The following TAOK3 variants were observed in gnomAD, a reference collection of about 807,000 sequenced individuals.
The protein encoded by TAOK3 is serine/threonine-protein kinase TAO3.
Under a neutral mutation model 120.4 loss-of-function variants are expected in TAOK3, and 40 were observed. The observed-to-expected ratio is 0.33, with a 90% CI of 0.26 to 0.43. The LOEUF is 0.43. Ranked by LOEUF, TAOK3 falls within the 20% of genes least tolerant of loss-of-function variation. TAOK3 has a pLI of 1.00. For missense variants in TAOK3, 821 were observed against 1,112.1 expected, an observed-to-expected ratio of 0.74 and a Z score of 3.72; for synonymous variants, 355 against 387.5, an observed-to-expected ratio of 0.92 and a Z score of 0.99.
intron 13 of TAOK3, among the ~76,000 whole-genome samples, chr12:118,193,106 A>G (rs1265462393): frequency 1.7e-5 from 2 of 118,590 alleles, no homozygotes; most frequent in African/African-American, 3.3e-5. Context: ...GCTGGAGTGT[A>G]GTGGCACTAT....
intron 2 of TAOK3, among the ~76,000 whole-genome samples, chr12:118,263,775 C>T (rs2041328954): frequency 6.6e-6 from 1 of 152,078 alleles, no homozygotes; most frequent in South Asian, 2.1e-4. Flanking sequence ...CAAATGAAAA[C>T]CCATGAGAGG....
intron 1 of TAOK3, among the ~76,000 whole-genome samples, chr12:118,296,507 G>C (rs567981091): frequency 6.6e-6 from 1 of 151,920 alleles, no homozygotes. Flanking sequence ...TATAAGTTTC[G>C]GGAAAAAAGA....
At chr12:118,204,397 T>G (rs1156273579) in intron 11 of TAOK3, among the ~76,000 whole-genome samples, 1 of 152,204 alleles carries the variant, frequency 6.6e-6, no homozygotes, top group Non-Finnish European at 1.5e-5. Context: ...TGAATTTAAT[T>G]TCTTTATAAT....
Position 118,235,678 on chromosome 12 carries a change from GA to G in TAOK3, c.438-8del, listed in dbSNP as rs5801274. On this transcript the variant is annotated splice_polypyrimidine_tract_variant and splice_region_variant and intron_variant, in intron 7 of 20. Coordinates refer to ENST00000392533, the MANE Select transcript of TAOK3 (RefSeq NM_016281.4). ...ATTTCCTGCTTTAATATCCCTATAG[GA>G]AAAAAAAAAAGGGTTAGAAAATTAC... The G allele has an allele frequency of 0.022, 27,430 of 1,266,158 alleles. 1 individual carries two copies. Among genetic ancestry groups the G allele is most frequent in the East Asian group, 0.042 (1,440 of 34,254 alleles). 78.4% of individuals were successfully genotyped at this position (1,266,158 alleles called of 1,614,324 possible).
intron 1 of TAOK3, among the ~76,000 whole-genome samples, chr12:118,334,600 G>T (rs2044285158): frequency 6.6e-6 from 1 of 152,230 alleles, no homozygotes; most frequent in African/African-American, 2.4e-5. Flanking sequence ...CGGAGGCCGG[G>T]TGTGGTGGCT....
chr12:118,189,579 A>C (rs1277563949), intron 14 of TAOK3, among the ~76,000 whole-genome samples: 2 of 17,420 alleles, frequency 1.1e-4, no homozygotes, highest in East Asian at 1.9e-3. Flanking sequence ...CACACACACA[A>C]AGGTTTTTTT....
chr12:118,364,338 G>T (rs1267134184), intron 1 of TAOK3, among the ~76,000 whole-genome samples: 1 of 151,972 alleles, frequency 6.6e-6, no homozygotes, highest in Non-Finnish European at 1.5e-5. Flanking sequence ...TCCTTCCCTT[G>T]CACCTTATTA....
rs2045889282 is a variant in TAOK3 at position 118,371,450 on chromosome 12, C to A, written c.-194+1198G>T. Among the ~76,000 whole-genome samples, 1 of 152,242 alleles carries A rather than the reference C, an allele frequency of 6.6e-6. No individual in the cohort carries two copies. Among genetic ancestry groups the A allele is most frequent in the South Asian group, 2.1e-4 (1 of 4,826 alleles). On this transcript the variant is annotated intron_variant, in intron 1 of 20. Coordinates refer to ENST00000392533, the MANE Select transcript of TAOK3 (RefSeq NM_016281.4). The surrounding 1 kb of genome is among the most constrained non-coding windows in gnomAD (Gnocchi z 5.5). ...TCATTCCAAGATCTTTGTCCTGCAGCCAGCCCCACCAGCCCCTCCAGCTCC... is the reference window on the plus strand; with the variant it reads ...TCATTCCAAGATCTTTGTCCTGCAGACAGCCCCACCAGCCCCTCCAGCTCC...
chr12:118,175,978 G>A (rs2036299205), intron 16 of TAOK3, among the ~76,000 whole-genome samples: 1 of 152,148 alleles, frequency 6.6e-6, no homozygotes, highest in South Asian at 2.1e-4. Context: ...CAAAAACATG[G>A]TCTGTGCTCT....
chr12:118,367,410 T>C (rs1235158552), intron 1 of TAOK3, among the ~76,000 whole-genome samples: 3 of 151,682 alleles, frequency 2.0e-5, no homozygotes, highest in Non-Finnish European at 4.4e-5. Context: ...AAATTTGAAA[T>C]AGTTTTTTTT....
intron 1 of TAOK3, among the ~76,000 whole-genome samples, chr12:118,354,775 T>A (rs1287737672): frequency 6.6e-6 from 1 of 152,176 alleles, no homozygotes; most frequent in African/African-American, 2.4e-5. Context: ...ATGTAAGACA[T>A]GACTTGCTCC....
At chr12:118,309,571 A>G (rs957823058) in intron 1 of TAOK3, among the ~76,000 whole-genome samples, 1 of 151,346 alleles carries the variant, frequency 6.6e-6, no homozygotes, top group Non-Finnish European at 1.5e-5. Context: ...GCTGGAGTGC[A>G]ATGGCACGAT....
chr12:118,273,496 C>T (rs142239455), intron 1 of TAOK3, among the ~76,000 whole-genome samples: 1,934 of 141,906 alleles, frequency 0.014, 13 homozygotes, highest in Middle Eastern at 0.041. Flanking sequence ...GAGCGAGACT[C>T]CGTCTCAAAA....
At chr12:118,307,614 C>T (rs1186846931) in intron 1 of TAOK3, among the ~76,000 whole-genome samples, 5 of 152,106 alleles carry the variant, frequency 3.3e-5, no homozygotes, top group African/African-American at 4.8e-5. Context: ...GCAGCTGCAG[C>T]TACCCCTTCT....
chr12:118,189,446 T>C (rs1282680169), intron 14 of TAOK3, among the ~76,000 whole-genome samples: 1 of 151,510 alleles, frequency 6.6e-6, no homozygotes, highest in Non-Finnish European at 1.5e-5. Flanking sequence ...AAAAGACAAA[T>C]AGCTTTTAAA....
intron 1 of TAOK3, among the ~76,000 whole-genome samples, chr12:118,316,546 G>A (rs7302387): frequency 0.094 from 14,304 of 151,858 alleles, 850 homozygotes; most frequent in Non-Finnish European, 0.13. Context: ...GAACACAGTC[G>A]TGTACCACCC....
At position 118,372,011 on chromosome 12, in the gene TAOK3, C is replaced by T. The variant is rs2045911866; in HGVS notation, c.-194+637G>A. 1.3e-5 allele frequency among the ~76,000 whole-genome samples: 2 copies of T among 151,640 alleles called. No individual in the cohort carries two copies. The highest frequency in any genetic ancestry group is 4.8e-5 in the African/African-American group (2 of 41,244). On this transcript the variant is annotated intron_variant, in intron 1 of 20. Transcript: ENST00000392533. The surrounding 1 kb of genome is among the most constrained non-coding windows in gnomAD (Gnocchi z 4.6). Reference sequence around the variant, plus strand: ...TCTCAGCCCAGCCCCCTTCCGGGACCCCTCCTCTTCTCCCACTGTCTTGGC... The same window carrying T: ...TCTCAGCCCAGCCCCCTTCCGGGACTCCTCCTCTTCTCCCACTGTCTTGGC...
chr12:118,278,967 C>G (rs1392349271), intron 1 of TAOK3, among the ~76,000 whole-genome samples: 1 of 151,842 alleles, frequency 6.6e-6, no homozygotes, highest in African/African-American at 2.4e-5. Flanking sequence ...CCACCACACT[C>G]AGCTATTTTT....
intron 1 of TAOK3, among the ~76,000 whole-genome samples, chr12:118,308,862 G>A (rs61943361): frequency 1.2e-4 from 18 of 145,306 alleles, no homozygotes; most frequent in African/African-American, 3.3e-4. Flanking sequence ...CCCAGGAGGC[G>A]GAGGTTGCAG....
Sources: allele counts gnomAD v4.1 joint callset (sites outside exome capture counted in the v4.1 genomes callset), GRCh38; gene constraint gnomAD v4.1.1; non-coding constraint Gnocchi (gnomAD v3.1); transcripts MANE v1.5; gene names NCBI Gene and HGNC (gene_info 2026-07-23, HGNC 2026-07-21).